NKAIN2: variants seen among roughly 807,000 people sequenced by gnomAD.
NKAIN2 encodes sodium/potassium-transporting ATPase subunit beta-1-interacting protein 2.
A neutral mutation model predicts 32.6 loss-of-function variants in NKAIN2; 14 were observed. That is an observed-to-expected ratio of 0.43 (90% CI 0.28 to 0.67). The LOEUF (loss-of-function observed/expected upper bound fraction) is 0.67, where lower values mean the gene tolerates loss of function less well. Ranked by LOEUF, NKAIN2 falls within the 30% of genes least tolerant of loss-of-function variation. The pLI, the probability that NKAIN2 is intolerant of heterozygous loss-of-function variation, is 0.17. For synonymous variants in NKAIN2, 80 were observed against 87.2 expected (o/e 0.92, Z 0.46); for missense variants, 198 against 258.3 (o/e 0.77, Z 1.60).
In NKAIN2 at chr6:124,147,090, T is replaced by A. The variant is rs118048998; in HGVS notation, c.55-135915T>A. 5.1e-3 allele frequency among the ~76,000 whole-genome samples: 770 copies of A among 152,346 alleles called. 2 individuals carry two copies. The highest frequency in any genetic ancestry group is 8.2e-3 in the Non-Finnish European group (560 of 68,022). On this transcript the variant is annotated intron_variant, in intron 1 of 6. Coordinates refer to ENST00000368417, the MANE Select transcript of NKAIN2 (RefSeq NM_001040214.3). ...AATTATGTGTTTTCTCTGGTAATAC[T>A]TGTGCTTGCACTGATTTTAGTACAT...
At chr6:124,311,877 G>A (rs950041173) in intron 2 of NKAIN2, among the ~76,000 whole-genome samples, 1 of 152,084 alleles carries the variant, frequency 6.6e-6, no homozygotes, top group Non-Finnish European at 1.5e-5. Context: ...TTAAACGTAT[G>A]TGGTATAAAA....
chr6:124,378,616 A>G (rs1200502969), intron 3 of NKAIN2, among the ~76,000 whole-genome samples: 1 of 152,162 alleles, frequency 6.6e-6, no homozygotes, highest in African/African-American at 2.4e-5. Flanking sequence ...CCACCCAGAG[A>G]ACATTCCTGC....
chr6:124,192,426 A>G (rs914960050), intron 1 of NKAIN2, among the ~76,000 whole-genome samples: 2 of 152,150 alleles, frequency 1.3e-5, no homozygotes, highest in African/African-American at 4.8e-5. Context: ...AGTGATTTCT[A>G]ATTAAATCCT....
intron 3 of NKAIN2, among the ~76,000 whole-genome samples, chr6:124,496,251 A>G (rs930586802): frequency 2.0e-5 from 3 of 152,138 alleles, no homozygotes; most frequent in African/African-American, 7.2e-5. Context: ...TTTCAATAAA[A>G]CTTTTACATT....
At chr6:124,717,835 G>T (rs148978726) in intron 4 of NKAIN2, among the ~76,000 whole-genome samples, 2,375 of 152,186 alleles carry the variant, frequency 0.016, 31 homozygotes, top group Middle Eastern at 0.034. Context: ...TCTGCCCGTT[G>T]GTAGGTCACT....
At chr6:124,188,571 C>G (rs1466441878) in intron 1 of NKAIN2, among the ~76,000 whole-genome samples, 1 of 152,206 alleles carries the variant, frequency 6.6e-6, no homozygotes, top group Non-Finnish European at 1.5e-5. Flanking sequence ...AAAAGATCAT[C>G]ACATGCAAAT....
chr6:124,084,380 G>A (rs546797718), intron 1 of NKAIN2, among the ~76,000 whole-genome samples: 1 of 151,884 alleles, frequency 6.6e-6, no homozygotes, highest in African/African-American at 2.4e-5. Context: ...TGCCATACAG[G>A]TTTGTAGCTT....
intron 1 of NKAIN2, among the ~76,000 whole-genome samples, chr6:123,929,242 G>T (rs1776144414): frequency 6.6e-6 from 1 of 152,140 alleles, no homozygotes; most frequent in African/African-American, 2.4e-5. Context: ...GTAACTGCAT[G>T]ATTGATATGC....
intron 1 of NKAIN2, among the ~76,000 whole-genome samples, chr6:124,123,765 C>T (rs1786010597): frequency 2.0e-5 from 3 of 152,072 alleles, no homozygotes; most frequent in Admixed American, 6.6e-5. Flanking sequence ...AGGAACTGGG[C>T]TCTTTAGCCT....
intron 3 of NKAIN2, among the ~76,000 whole-genome samples, chr6:124,506,173 T>TC (rs1387220205): frequency 1.5e-5 from 2 of 133,440 alleles, no homozygotes; most frequent in Non-Finnish European, 3.2e-5. Flanking sequence ...AGAGCAAGAC[T>TC]CCGTCTAAAA....
intron 3 of NKAIN2, among the ~76,000 whole-genome samples, chr6:124,615,554 A>G (rs1211421741): frequency 6.6e-6 from 1 of 152,234 alleles, no homozygotes; most frequent in Non-Finnish European, 1.5e-5. Flanking sequence ...GTAGTAACTC[A>G]CATTTTGGAA....
At chr6:124,340,801 A>G (rs1312880265) in intron 2 of NKAIN2, among the ~76,000 whole-genome samples, 3 of 152,210 alleles carry the variant, frequency 2.0e-5, no homozygotes, top group African/African-American at 7.2e-5. Flanking sequence ...GTGTTTAAAG[A>G]CGCTTCAGTG....
In NKAIN2 at chr6:124,254,206, C is replaced by T. The variant is rs185253834; in HGVS notation, c.55-28799C>T. On this transcript the variant is annotated intron_variant, in intron 1 of 6. Transcript: ENST00000368417. The stretch of plus-strand genomic sequence containing the variant: ...ACCTCAGGTGATCCGCCTGCCTCGG[C>T]CTCCCAAAGTGCTGGGATTACAGGC... 2.9e-3 allele frequency among the ~76,000 whole-genome samples: 435 copies of T among 152,256 alleles called. 2 individuals are homozygous for T. The highest frequency in any genetic ancestry group is 9.5e-3 in the African/African-American group (396 of 41,536).
chr6:124,135,287 T>A (rs1193030740), intron 1 of NKAIN2, among the ~76,000 whole-genome samples: 1 of 151,860 alleles, frequency 6.6e-6, no homozygotes, highest in Non-Finnish European at 1.5e-5. Flanking sequence ...AATACTAATA[T>A]TTAATGTAAA....
chr6:124,455,833 A>G (rs1486965725), intron 3 of NKAIN2, among the ~76,000 whole-genome samples: 3 of 151,912 alleles, frequency 2.0e-5, no homozygotes, highest in Non-Finnish European at 4.4e-5. Flanking sequence ...ACATATATCT[A>G]ATGTAACAGG....
intron 1 of NKAIN2, among the ~76,000 whole-genome samples, chr6:123,928,158 C>G (rs940722186): frequency 6.6e-6 from 1 of 152,050 alleles, no homozygotes; most frequent in African/African-American, 2.4e-5. Flanking sequence ...AAACAAAAAA[C>G]CAAATACTGC....
chr6:124,091,593 A>T (rs1184674989), intron 1 of NKAIN2, among the ~76,000 whole-genome samples: 1 of 151,958 alleles, frequency 6.6e-6, no homozygotes, highest in African/African-American at 2.4e-5. Flanking sequence ...AAATATTATC[A>T]AATTCTAAAT....
At chr6:123,917,247 T>G (rs1444944803) in intron 1 of NKAIN2, among the ~76,000 whole-genome samples, 1 of 152,118 alleles carries the variant, frequency 6.6e-6, no homozygotes, top group African/African-American at 2.4e-5. Flanking sequence ...TCTGTTTTTT[T>G]TTTTATTTTT....
rs117303764 is a variant in NKAIN2, at chr6:124,226,316, G to A, written c.55-56689G>A. The stretch of plus-strand genomic sequence containing the variant: ...TGAAATTTGATATCCTTTCTCATCA[G>A]CATCTGCCTATTTGTATATAAAGTT... On this transcript the variant is annotated intron_variant, in intron 1 of 6. Coordinates refer to ENST00000368417, the MANE Select transcript of NKAIN2 (RefSeq NM_001040214.3). Among the ~76,000 whole-genome samples the A allele has an allele frequency of 1.1e-3, 165 of 152,032 alleles. 4 individuals are homozygous for A. The East Asian group carries it at 0.027, about 25-fold the overall frequency.
Sources: gnomAD v4.1 joint callset for allele counts (sites outside exome capture counted in the v4.1 genomes callset) on GRCh38, gnomAD v4.1.1 for gene constraint, MANE v1.5 for transcripts, NCBI Gene and HGNC (gene_info 2026-07-23, HGNC 2026-07-21) for gene names.